Variants in SYT16 observed in about 807,000 individuals in gnomAD.
The protein encoded by SYT16 is synaptotagmin-16.
SYT16 carries 42 observed loss-of-function variants against 61.4 expected under a neutral mutation model. That is an observed-to-expected ratio of 0.68 (90% CI 0.53 to 0.89). SYT16 has a LOEUF of 0.89. Among genes scored for constraint, SYT16 ranks in the 40% least tolerant of loss-of-function variants. The probability of loss-of-function intolerance (pLI) is 0.00; values close to 1 mark genes in which losing one functional copy is unlikely to be tolerated. For missense variants in SYT16, 804 were observed against 807.3 expected, an observed-to-expected ratio of 1.00 and a Z score of 0.05; for synonymous variants, 314 against 302.3, an observed-to-expected ratio of 1.04 and a Z score of -0.40.
chr14:61,969,420 C>T (rs1422611804), intron 1 of SYT16, among the ~76,000 whole-genome samples: 1 of 152,126 alleles, frequency 6.6e-6, no homozygotes, highest in African/African-American at 2.4e-5. Flanking sequence ...TTGAGGCATA[C>T]TGGGTAGTAC....
intron 2 of SYT16, among the ~76,000 whole-genome samples, chr14:61,988,317 C>A (rs1187687296): frequency 6.6e-6 from 1 of 152,114 alleles, no homozygotes. Context: ...TGTGCGAGAG[C>A]AGTGATAGTC....
chr14:61,925,072 T>C (rs1443713712), intron 1 of SYT16, among the ~76,000 whole-genome samples: 2 of 152,228 alleles, frequency 1.3e-5, no homozygotes, highest in African/African-American at 2.4e-5. Flanking sequence ...GGAAGCGCCC[T>C]CTTGATTTGG....
chr14:61,963,559 A>G (rs1566720781), intron 1 of SYT16, among the ~76,000 whole-genome samples: 1 of 152,226 alleles, frequency 6.6e-6, no homozygotes, highest in African/African-American at 2.4e-5. Context: ...AAAAGCTTGA[A>G]GCCAGAAGAG....
chr14:61,943,119 C>T (rs2050274383), intron 1 of SYT16, among the ~76,000 whole-genome samples: 1 of 152,160 alleles, frequency 6.6e-6, no homozygotes, highest in Non-Finnish European at 1.5e-5. Flanking sequence ...CACAAATAAA[C>T]CAGGAAATCT....
intron 3 of SYT16, among the ~76,000 whole-genome samples, chr14:62,062,664 A>G (rs141836543): frequency 8.4e-4 from 128 of 151,572 alleles, no homozygotes; most frequent in African/African-American, 2.8e-3. Context: ...GGCAGTTGTC[A>G]TCTTTGATCT....
At chr14:61,983,976 A>T (rs1383962938) in intron 2 of SYT16, among the ~76,000 whole-genome samples, 1 of 152,218 alleles carries the variant, frequency 6.6e-6, no homozygotes, top group Non-Finnish European at 1.5e-5. Context: ...AGGGTGATGA[A>T]GAGAACCTAC....
intron 7 of SYT16, among the ~76,000 whole-genome samples, chr14:62,095,568 T>G (rs1239915158): frequency 6.6e-6 from 1 of 151,644 alleles, no homozygotes; most frequent in Non-Finnish European, 1.5e-5. Context: ...ACAACAGAAC[T>G]TTATGAAAGA....
At chr14:62,004,714 G>T (rs536714024) in intron 3 of SYT16, among the ~76,000 whole-genome samples, 6 of 152,324 alleles carry the variant, frequency 3.9e-5, no homozygotes, top group Admixed American at 3.9e-4. Flanking sequence ...GTTCTGGCAT[G>T]CAATGGGATA....
At chr14:61,968,496 C>T (rs1052568195) in intron 1 of SYT16, among the ~76,000 whole-genome samples, 1 of 152,012 alleles carries the variant, frequency 6.6e-6, no homozygotes, top group African/African-American at 2.4e-5. Flanking sequence ...GGATGGGATC[C>T]AGACCTCAGA....
rs190531590 is a variant in SYT16 at position 61,823,389 on chromosome 14, T to C, written c.-325+10579T>C. Among the ~76,000 whole-genome samples the C allele has an allele frequency of 4.3e-4, 65 of 152,116 alleles. No individual in the cohort carries two copies. The East Asian group carries it at 0.011, about 26-fold the overall frequency. ...GTTTTAATATGCTTATGTTGTATACTCTTAATGATTTTATCCACTTCAGGC... is the reference window on the plus strand; with the variant it reads ...GTTTTAATATGCTTATGTTGTATACCCTTAATGATTTTATCCACTTCAGGC... On this transcript the variant is annotated intron_variant, in intron 1 of 7. Coordinates refer to ENST00000683842, the MANE Select transcript of SYT16 (RefSeq NM_001367656.1).
chr14:62,056,118 A>G (rs2055544380), intron 3 of SYT16, among the ~76,000 whole-genome samples: 2 of 152,124 alleles, frequency 1.3e-5, no homozygotes, highest in Non-Finnish European at 2.9e-5. Flanking sequence ...CCAATCTCGA[A>G]ATGATTATCA....
At chr14:62,061,643 A>T (rs1045468240) in intron 3 of SYT16, among the ~76,000 whole-genome samples, 5 of 152,202 alleles carry the variant, frequency 3.3e-5, no homozygotes, top group African/African-American at 1.2e-4. Context: ...AGTATTAGGA[A>T]AAAGAAAGAA....
At chr14:62,086,516 A>AC (rs780971054) in intron 7 of SYT16, among the ~76,000 whole-genome samples, 2 of 152,174 alleles carry the variant, frequency 1.3e-5, no homozygotes, top group East Asian at 3.9e-4. Flanking sequence ...AAACAAACAA[A>AC]AAATTGTGTT....
chr14:61,817,950 TC>T (rs34635360), intron 1 of SYT16, among the ~76,000 whole-genome samples: 1 of 152,180 alleles, frequency 6.6e-6, no homozygotes, highest in Non-Finnish European at 1.5e-5. Context: ...ATTTAGGAGT[TC>T]CTTGTGCTGT....
intron 1 of SYT16, among the ~76,000 whole-genome samples, chr14:61,887,446 T>C (rs1166403875): frequency 2.0e-5 from 3 of 152,222 alleles, no homozygotes; most frequent in Admixed American, 6.5e-5. Context: ...AGCATGTCCA[T>C]TGAAGCCTTG....
chr14:61,871,764 A>G (rs2047339964), intron 1 of SYT16, among the ~76,000 whole-genome samples: 1 of 152,240 alleles, frequency 6.6e-6, no homozygotes, highest in Non-Finnish European at 1.5e-5. Flanking sequence ...ACAATACCGC[A>G]TTATAGACAA....
At chr14:62,012,938 A>G (rs1399237984) in intron 3 of SYT16, among the ~76,000 whole-genome samples, 1 of 152,238 alleles carries the variant, frequency 6.6e-6, no homozygotes, top group Non-Finnish European at 1.5e-5. Context: ...AGTGCCTAAG[A>G]CAAGAGACTT....
At chr14:61,929,067 C>T (rs2049654579) in intron 1 of SYT16, among the ~76,000 whole-genome samples, 1 of 152,174 alleles carries the variant, frequency 6.6e-6, no homozygotes, top group African/African-American at 2.4e-5. Context: ...TCAGCACTGG[C>T]TTAGTTCAGT....
In SYT16 at chr14:62,006,239, C is replaced by T. The variant is rs142887757; in HGVS notation, c.523+9697C>T. On this transcript the variant is annotated intron_variant, in intron 3 of 7. Coordinates refer to ENST00000683842, the MANE Select transcript of SYT16 (RefSeq NM_001367656.1). ...ACTGATGGGTTAACAGTCTGGAAGA[C>T]TCCTCATGCACTCATTTGTTCCTTT... 4.0e-3 allele frequency among the ~76,000 whole-genome samples: 605 copies of T among 152,184 alleles called. 2 individuals carry two copies. The highest frequency in any genetic ancestry group is 0.017 in the Middle Eastern group (5 of 294).
Sources: allele counts gnomAD v4.1 joint callset (sites outside exome capture counted in the v4.1 genomes callset), GRCh38; gene constraint gnomAD v4.1.1; transcripts MANE v1.5; gene names NCBI Gene and HGNC (gene_info 2026-07-23, HGNC 2026-07-21).